The following RNF130 variants were observed in gnomAD, a reference collection of about 807,000 sequenced individuals.
RNF130 encodes the protein E3 ubiquitin-protein ligase RNF130.
In RNF130, 21 loss-of-function variants were observed where a neutral mutation model predicts 44.6. The ratio of observed to expected loss-of-function variants is 0.47; its 90% CI spans 0.33 to 0.68. The LOEUF (loss-of-function observed/expected upper bound fraction) is 0.68, where lower values mean the gene tolerates loss of function less well. Ranked by LOEUF, RNF130 falls within the 30% of genes least tolerant of loss-of-function variation. The probability of loss-of-function intolerance (pLI) is 0.02; values close to 1 mark genes in which losing one functional copy is unlikely to be tolerated. For synonymous variants in RNF130, 214 were observed against 210.4 expected, an observed-to-expected ratio of 1.02 and a Z score of -0.15; for missense variants, 479 against 560.6, an observed-to-expected ratio of 0.85 and a Z score of 1.47.
At chr5:180,059,343 C>T (rs1764917007) in intron 1 of RNF130, among the ~76,000 whole-genome samples, 1 of 152,188 alleles carries the variant, frequency 6.6e-6, no homozygotes, top group East Asian at 1.9e-4. Flanking sequence ...GATGCTTTCC[C>T]AAGACTATGA....
intron 1 of RNF130, among the ~76,000 whole-genome samples, chr5:180,068,250 T>G (rs1175971801): frequency 6.6e-6 from 1 of 152,260 alleles, no homozygotes; most frequent in Non-Finnish European, 1.5e-5. Flanking sequence ...CAGCAGACCC[T>G]AGCTAGGCTG....
At chr5:179,980,289 C>T (rs1419448971) in intron 3 of RNF130, 89 bp from the exon 4 acceptor site, 4 of 1,156,312 alleles carry the variant, frequency 3.5e-6, no homozygotes, top group Admixed American at 3.5e-5. Context: ...TATAAAGTCT[C>T]TATTTTACTA....
rs1762742519 is a variant in RNF130, at chr5:179,977,598, A to T, written c.848+605T>A. Among the ~76,000 whole-genome samples, 1 of 152,202 alleles carries T rather than the reference A, an allele frequency of 6.6e-6. No individual in the cohort carries two copies. Among genetic ancestry groups the T allele is most frequent in the Non-Finnish European group, 1.5e-5 (1 of 68,042 alleles). The stretch of plus-strand genomic sequence containing the variant: ...CCGGGTGCGGTGGCTCACGCCTGTA[A>T]TCCCAGGACTTTGGGAGGCTGAGGC... On this transcript the variant is annotated intron_variant, in intron 5 of 8. Transcript: ENST00000521389. This position sits in a 1 kb window ranked among gnomAD's most constrained non-coding sequence, Gnocchi z 4.1.
chr5:180,018,225 G>T (rs1319826485), intron 2 of RNF130, among the ~76,000 whole-genome samples: 3 of 151,878 alleles, frequency 2.0e-5, no homozygotes, highest in African/African-American at 7.3e-5. Flanking sequence ...AACAAGGGTG[G>T]TGGAGGTTTC....
intron 1 of RNF130, among the ~76,000 whole-genome samples, chr5:180,050,636 T>C (rs1249368906): frequency 6.6e-6 from 1 of 152,234 alleles, no homozygotes; most frequent in Non-Finnish European, 1.5e-5. Flanking sequence ...TCCCTCCTCC[T>C]TATTCTACAT....
chr5:179,994,777 T>C (rs1330840426), intron 3 of RNF130, among the ~76,000 whole-genome samples: 1 of 152,176 alleles, frequency 6.6e-6, no homozygotes, highest in Non-Finnish European at 1.5e-5. Context: ...TAAGCAGATG[T>C]TGTAATGGGC....
At chr5:180,066,563 G>A (rs567701267) in intron 1 of RNF130, among the ~76,000 whole-genome samples, 2 of 152,244 alleles carry the variant, frequency 1.3e-5, no homozygotes, top group African/African-American at 4.8e-5. Context: ...GCAATACAGC[G>A]AGACCCTGTC....
intron 1 of RNF130, among the ~76,000 whole-genome samples, chr5:180,045,058 G>A (rs1407290737): frequency 6.6e-6 from 1 of 152,166 alleles, no homozygotes; most frequent in Non-Finnish European, 1.5e-5. Flanking sequence ...TAAAAACACA[G>A]AGCAAAGACT....
At chr5:179,931,078 T>C (rs2113676027) in intron 7 of RNF130, among the ~76,000 whole-genome samples, 1 of 152,086 alleles carries the variant, frequency 6.6e-6, no homozygotes, top group Admixed American at 6.5e-5. Context: ...GTGTTGAATT[T>C]TAGCAAATGC....
At position 180,021,049 on chromosome 5, in the gene RNF130, T is replaced by TCGACTCA. The variant is rs1258407284; in HGVS notation, c.443-7739_443-7738insTGAGTCG. Among the ~76,000 whole-genome samples the TCGACTCA allele has an allele frequency of 3.2e-4, 48 of 151,816 alleles. 1 individual carries two copies. The highest frequency in any genetic ancestry group is 1.2e-3 in the African/African-American group (48 of 41,388). On this transcript the variant is annotated intron_variant, in intron 2 of 8. Coordinates refer to ENST00000521389, the MANE Select transcript of RNF130 (RefSeq NM_018434.6). ...CAGGCTGGAGTGCAGTGGCGCAATC[T>TCGACTCA]CTGCCTCGCGGGTTCAACTGATTCT...
At position 180,013,180 on chromosome 5, in the gene RNF130, G is replaced by T. The variant is rs1481121779; in HGVS notation, c.574C>A (p.Arg192Ser). 6.2e-7 allele frequency: 1 copy of T among 1,614,052 alleles called. No individual in the cohort carries two copies. The highest frequency in any genetic ancestry group is 8.5e-7 in the Non-Finnish European group (1 of 1,180,018). The change falls in exon 3 of 9, where the codon CGT becomes AGT. Residue 192 changes from arginine (R) to serine (S), a missense_variant. Around this residue, in one of 3 missense-constraint regions of RNF130, gnomAD observed 180 missense variants for 275.1 expected, o/e 0.65. Transcript: ENST00000521389. ...ATTGACACGAAGACTAGAGAGCCAC[G>T]GCTGAAGTTCTTCGGTGGCATTCGA... is the stretch of plus-strand genomic sequence containing the variant. ...GTRMPPKNFS[R>S]GSLVFVSISF...
At chr5:180,048,231 TAGG>T (rs1485697386) in intron 1 of RNF130, among the ~76,000 whole-genome samples, 1 of 152,110 alleles carries the variant, frequency 6.6e-6, no homozygotes, top group African/African-American at 2.4e-5. Flanking sequence ...GATGAGTTAA[TAGG>T]AGTTCTCCAA....
intron 1 of RNF130, among the ~76,000 whole-genome samples, chr5:180,060,929 C>T (rs1238792226): frequency 1.3e-5 from 2 of 151,844 alleles, no homozygotes; most frequent in Non-Finnish European, 2.9e-5. Context: ...ATTAGCTGGG[C>T]GAGGTAGTGG....
At chr5:179,920,458 A>AT in intron 7 of RNF130, 1 of 699,160 alleles carries the variant, frequency 1.4e-6, no homozygotes, top group Non-Finnish European at 2.6e-6. Context: ...GAGACTTAAT[A>AT]GGTCACCAGG....
intron 2 of RNF130, among the ~76,000 whole-genome samples, chr5:180,039,607 C>T (rs1764357347): frequency 6.6e-6 from 1 of 152,168 alleles, no homozygotes; most frequent in Non-Finnish European, 1.5e-5. Context: ...TGGGGAAGTA[C>T]CAACGACTCT....
chr5:179,971,199 T>A (rs977542149), intron 5 of RNF130, among the ~76,000 whole-genome samples: 18 of 152,142 alleles, frequency 1.2e-4, no homozygotes, highest in African/African-American at 4.3e-4. Context: ...AAGGAACTTG[T>A]GCCCTCCGGA....
At chr5:180,015,278 GT>G (rs1561693047) in intron 2 of RNF130, 1 of 498,704 alleles carries the variant, frequency 2.0e-6, no homozygotes, top group Non-Finnish European at 4.3e-6. Flanking sequence ...TTAAAATGTT[GT>G]TCAACGGGCC....
chr5:180,034,274 T>C (rs879624913), intron 2 of RNF130, among the ~76,000 whole-genome samples: 5 of 152,156 alleles, frequency 3.3e-5, no homozygotes, highest in Non-Finnish European at 5.9e-5. Flanking sequence ...CTAGATTCTA[T>C]TTGCTAATAA....
chr5:180,022,858 T>C (rs1332515223), intron 2 of RNF130, among the ~76,000 whole-genome samples: 3 of 152,218 alleles, frequency 2.0e-5, no homozygotes, highest in Non-Finnish European at 2.9e-5. Flanking sequence ...TTACAAGCTT[T>C]TGATAAAAGA....
Sources: allele counts gnomAD v4.1 joint callset (sites outside exome capture counted in the v4.1 genomes callset), GRCh38; gene constraint gnomAD v4.1.1; regional missense constraint gnomAD v4.1.1; non-coding constraint Gnocchi (gnomAD v3.1); transcripts MANE v1.5; gene names NCBI Gene and HGNC (gene_info 2026-07-23, HGNC 2026-07-21).